Variants in MED12L observed in about 807,000 individuals in gnomAD.
MED12L encodes mediator complex subunit 12L.
A neutral mutation model predicts 281.3 loss-of-function variants in MED12L; 60 were observed. The observed-to-expected ratio is 0.21, with a 90% CI of 0.17 to 0.26. The LOEUF is 0.26. Ranked by LOEUF, MED12L falls within the 10% of genes least tolerant of loss-of-function variation. The pLI is 1.00. For synonymous variants in MED12L, 974 were observed against 987.2 expected (o/e 0.99, Z 0.25); for missense variants, 2,146 against 2,680.9 (o/e 0.80, Z 4.41).
Position 151,374,414 on chromosome 3 carries a change from G to C in MED12L, c.3865-1612G>C, listed in dbSNP as rs1577485714. Among the ~76,000 whole-genome samples, 3 of 152,236 alleles carry C rather than the reference G, an allele frequency of 2.0e-5. No individual in the cohort carries two copies. The South Asian group carries it at 6.2e-4, about 32-fold the overall frequency. On this transcript the variant is annotated intron_variant, in intron 27 of 44. Coordinates refer to ENST00000687756, the MANE Select transcript of MED12L (RefSeq NM_001393769.1). The stretch of plus-strand genomic sequence containing the variant: ...AATACAAAAATTAGCCAGGTGTGGT[G>C]GCACATGCCTGTCATCCCAGCTACT...
At chr3:151,260,657 C>T (rs918919844) in intron 16 of MED12L, among the ~76,000 whole-genome samples, 1 of 152,152 alleles carries the variant, frequency 6.6e-6, no homozygotes, top group Non-Finnish European at 1.5e-5. Flanking sequence ...GGCCCTAAAG[C>T]TGGTTTTTAA....
At chr3:151,136,722 T>C (rs1309632013) in intron 5 of MED12L, among the ~76,000 whole-genome samples, 1 of 152,222 alleles carries the variant, frequency 6.6e-6, no homozygotes, top group East Asian at 1.9e-4. Context: ...CTTCAGTAAA[T>C]GAGGGCTTTC....
chr3:151,276,430 G>A (rs1235792190), intron 16 of MED12L, among the ~76,000 whole-genome samples: 1 of 152,208 alleles, frequency 6.6e-6, no homozygotes, highest in African/African-American at 2.4e-5. Flanking sequence ...CTGCAGGTGA[G>A]GATGCTCATG....
Position 151,329,752 on chromosome 3 carries a change from T to C in MED12L, c.2251-20307T>C, listed in dbSNP as rs1375185750. Among the ~76,000 whole-genome samples, 7 of 152,330 alleles carry C rather than the reference T, an allele frequency of 4.6e-5. No homozygotes were observed. The South Asian group carries it at 1.0e-3, about 23-fold the overall frequency. The stretch of plus-strand genomic sequence containing the variant: ...TTATCTTTAAATTTCTTCATAACTT[T>C]CTTGAAGTTTATCTTCTTGATCTGC... On this transcript the variant is annotated intron_variant, in intron 16 of 44. Transcript: ENST00000687756.
At chr3:151,197,365 T>C (rs952860656) in intron 16 of MED12L, among the ~76,000 whole-genome samples, 5 of 152,286 alleles carry the variant, frequency 3.3e-5, no homozygotes, top group South Asian at 2.1e-4. Flanking sequence ...GGTTTCATCA[T>C]GTGGGCCAGG....
intron 16 of MED12L, among the ~76,000 whole-genome samples, chr3:151,254,976 T>C (rs1737553849): frequency 6.6e-6 from 1 of 152,216 alleles, no homozygotes; most frequent in South Asian, 2.1e-4. Context: ...GCCTTGCTGC[T>C]CTTTTTTTTG....
chr3:151,259,358 G>A (rs1366259473), intron 16 of MED12L, among the ~76,000 whole-genome samples: 1 of 152,164 alleles, frequency 6.6e-6, no homozygotes, highest in East Asian at 1.9e-4. Flanking sequence ...CAGAACCCCA[G>A]GAAATACTTT....
chr3:151,289,459 T>C (rs915253979), intron 16 of MED12L, among the ~76,000 whole-genome samples: 2 of 152,182 alleles, frequency 1.3e-5, no homozygotes, highest in African/African-American at 2.4e-5. Context: ...ATGGTTCAGG[T>C]TTTTTGCAAA....
chr3:151,119,315 G>GCA (rs1335345420), intron 3 of MED12L, among the ~76,000 whole-genome samples: 1 of 148,492 alleles, frequency 6.7e-6, no homozygotes, highest in African/African-American at 2.5e-5. Context: ...TTCAGACTGG[G>GCA]TGTCTTAAAC....
intron 16 of MED12L, among the ~76,000 whole-genome samples, chr3:151,284,639 G>A (rs1007051884): frequency 2.0e-5 from 3 of 151,974 alleles, no homozygotes; most frequent in Admixed American, 6.6e-5. Context: ...CAGAGTTTTC[G>A]CCCTTGTTGC....
chr3:151,355,864 G>C lies in MED12L; in HGVS notation c.2518-32G>C, dbSNP rs367890678. ...TAGTAAAAGATTATTTAGAATATTG[G>C]TCTTACAATATTTTTGTTTTTATTT... is the stretch of plus-strand genomic sequence containing the variant. On this transcript the variant is annotated intron_variant, in intron 18 of 44. Transcript: ENST00000687756. 4.3e-5 allele frequency: 67 copies of C among 1,555,636 alleles called. No individual in the cohort carries two copies. The Middle Eastern group carries it at 8.5e-4, about 20-fold the overall frequency.
Position 151,369,582 on chromosome 3 carries a change from A to C in MED12L, c.3664+33A>C, listed in dbSNP as rs1363562311. ...TATTCTGACCCTAAGCTTCTTGGTT[A>C]ATCACCAGAAATGAAGGCAAAATAA... is the stretch of plus-strand genomic sequence containing the variant. On this transcript the variant is annotated intron_variant, in intron 26 of 44. Coordinates refer to ENST00000687756, the MANE Select transcript of MED12L (RefSeq NM_001393769.1). 5 of 1,370,688 alleles carry C rather than the reference A, an allele frequency of 3.6e-6. No homozygotes were observed. The African/African-American group carries it at 4.4e-5, about 12-fold the overall frequency. 84.9% of individuals were successfully genotyped at this position (1,370,688 alleles called of 1,614,324 possible).
Position 151,382,764 on chromosome 3 carries a change from A to C in MED12L, c.4680+19A>C, listed in dbSNP as rs774983880. On this transcript the variant is annotated intron_variant, in intron 33 of 44. Coordinates refer to ENST00000687756, the MANE Select transcript of MED12L (RefSeq NM_001393769.1). ...AAATTTGGTAAGTGACATTTCTAGTATTTTCCCTCCATTAAACATATTTAC... is the reference window on the plus strand; with the variant it reads ...AAATTTGGTAAGTGACATTTCTAGTCTTTTCCCTCCATTAAACATATTTAC... 9 of 1,587,642 alleles carry C rather than the reference A, an allele frequency of 5.7e-6. No homozygotes were observed. The highest frequency in any genetic ancestry group is 7.8e-6 in the Non-Finnish European group (9 of 1,161,042).
intron 43 of MED12L, among the ~76,000 whole-genome samples, chr3:151,421,168 A>G (rs1457107365): frequency 6.6e-6 from 1 of 152,146 alleles, no homozygotes; most frequent in Admixed American, 6.5e-5. Context: ...CCATTGAGGA[A>G]TGACAGTGGT....
chr3:151,405,988 TATTTACTG>T (rs370007962), intron 39 of MED12L, among the ~76,000 whole-genome samples: 29 of 152,360 alleles, frequency 1.9e-4, no homozygotes, highest in African/African-American at 7.0e-4. Flanking sequence ...TCTGAACAGA[TATTTACTG>T]AGCACTTACT....
intron 16 of MED12L, among the ~76,000 whole-genome samples, chr3:151,224,261 A>G (rs1025750995): frequency 4.0e-5 from 6 of 151,826 alleles, no homozygotes; most frequent in African/African-American, 1.5e-4. Flanking sequence ...CCTTCCTTTC[A>G]GTCCAGACAT....
intron 16 of MED12L, among the ~76,000 whole-genome samples, chr3:151,301,324 A>G (rs1745889606): frequency 6.6e-6 from 1 of 152,194 alleles, no homozygotes; most frequent in African/African-American, 2.4e-5. Flanking sequence ...TCTCATGGAA[A>G]CATTTCAAGG....
chr3:151,202,715 T>C (rs1725804031), intron 16 of MED12L, among the ~76,000 whole-genome samples: 1 of 152,176 alleles, frequency 6.6e-6, no homozygotes, highest in African/African-American at 2.4e-5. Flanking sequence ...AGATTTTCTA[T>C]GGGAATCACA....
chr3:151,352,485 A>C (rs1753355907), intron 17 of MED12L, among the ~76,000 whole-genome samples: 1 of 152,214 alleles, frequency 6.6e-6, no homozygotes, highest in Non-Finnish European at 1.5e-5. Context: ...ACTAGTTAAA[A>C]CTTAGTGTAA....
Sources: gnomAD v4.1 joint callset for allele counts (sites outside exome capture counted in the v4.1 genomes callset) on GRCh38, gnomAD v4.1.1 for gene constraint, MANE v1.5 for transcripts, NCBI Gene and HGNC (gene_info 2026-07-23, HGNC 2026-07-21) for gene names.